Variants in ASCC3 observed in about 807,000 individuals in gnomAD.
ASCC3 encodes the protein activating signal cointegrator 1 complex subunit 3, also known as ASC-1 complex subunit P200.
Under a neutral mutation model 256.3 loss-of-function variants are expected in ASCC3, and 158 were observed. The observed-to-expected ratio is 0.62, with a 90% CI of 0.54 to 0.70. The LOEUF (loss-of-function observed/expected upper bound fraction) is 0.70, where lower values mean the gene tolerates loss of function less well. ASCC3 is among the 30% of genes least tolerant of loss of function. The pLI is 0.00. For missense variants in ASCC3, 2,259 were observed against 2,626.0 expected, an observed-to-expected ratio of 0.86 and a Z score of 3.05; for synonymous variants, 948 against 883.4, an observed-to-expected ratio of 1.07 and a Z score of -1.30.
intron 24 of ASCC3, 113 bp downstream of exon 24, chr6:100,642,468 G>A: frequency 9.3e-7 from 1 of 1,077,560 alleles, no homozygotes; most frequent in Non-Finnish European, 1.4e-6. Context: ...GAGTTATAGA[G>A]AAGTTATAAT....
At chr6:100,565,601 T>C (rs1353658181) in intron 36 of ASCC3, among the ~76,000 whole-genome samples, 4 of 152,172 alleles carry the variant, frequency 2.6e-5, no homozygotes, top group African/African-American at 9.6e-5. Flanking sequence ...AAGGTTCATT[T>C]TTTTACAGAC....
At chr6:100,749,850 A>G (rs1231034863) in intron 10 of ASCC3, among the ~76,000 whole-genome samples, 1 of 151,692 alleles carries the variant, frequency 6.6e-6, no homozygotes, top group Non-Finnish European at 1.5e-5. Flanking sequence ...TGATATATAG[A>G]AATAAATTTT....
chr6:100,548,986 A>T (rs1382563789), intron 36 of ASCC3, among the ~76,000 whole-genome samples: 1 of 152,020 alleles, frequency 6.6e-6, no homozygotes, highest in Non-Finnish European at 1.5e-5. Context: ...AACATAAAAC[A>T]ATTATAATAA....
intron 1 of ASCC3, among the ~76,000 whole-genome samples, chr6:100,876,987 G>T (rs1008325738): frequency 2.0e-5 from 3 of 152,142 alleles, no homozygotes; most frequent in African/African-American, 7.2e-5. Context: ...TAATCAGTGA[G>T]CTAGAATTCC....
At chr6:100,868,411 G>C (rs1454531493) in intron 1 of ASCC3, among the ~76,000 whole-genome samples, 1 of 152,066 alleles carries the variant, frequency 6.6e-6, no homozygotes, top group Non-Finnish European at 1.5e-5. Context: ...CTTTCCAGTG[G>C]TTTCCTCTGC....
At chr6:100,753,450 T>C (rs954719669) in intron 10 of ASCC3, among the ~76,000 whole-genome samples, 7 of 150,840 alleles carry the variant, frequency 4.6e-5, no homozygotes, top group African/African-American at 1.7e-4. Flanking sequence ...GTTGTATTAA[T>C]GTCATCAGTA....
intron 25 of ASCC3, among the ~76,000 whole-genome samples, chr6:100,632,326 C>G (rs1221145921): frequency 6.6e-6 from 1 of 151,130 alleles, no homozygotes; most frequent in Non-Finnish European, 1.5e-5. Flanking sequence ...GAAGAAAAGA[C>G]AAATAAATGA....
At chr6:100,512,569 C>T (rs1270015584) in intron 40 of ASCC3, 140 bp downstream of exon 40, 1 of 880,246 alleles carries the variant, frequency 1.1e-6, no homozygotes, top group Admixed American at 2.0e-5. Context: ...TTTCAAAAGA[C>T]TAACTCTCGC....
intron 36 of ASCC3, among the ~76,000 whole-genome samples, chr6:100,578,133 G>C (rs375309506): frequency 6.6e-6 from 1 of 151,964 alleles, no homozygotes; most frequent in Non-Finnish European, 1.5e-5. Context: ...AAACTACCAG[G>C]CTGACCCCAA....
At position 100,578,837 on chromosome 6, in the gene ASCC3, G is replaced by A. The variant is rs955527974; in HGVS notation, c.5550+10797C>T. On this transcript the variant is annotated intron_variant, in intron 36 of 41. Coordinates refer to ENST00000369162, the MANE Select transcript of ASCC3 (RefSeq NM_006828.4). ...TCTGTTTTAAGTTCTTTGAGAAATC[G>A]ACACACTGCTTTCCACAATGGCTGA... Among the ~76,000 whole-genome samples, 4 of 151,980 alleles carry A rather than the reference G, an allele frequency of 2.6e-5. No individual in the cohort carries two copies. The East Asian group carries it at 5.8e-4, about 22-fold the overall frequency.
At chr6:100,741,733 T>C (rs907121272) in intron 10 of ASCC3, among the ~76,000 whole-genome samples, 1 of 152,154 alleles carries the variant, frequency 6.6e-6, no homozygotes, top group Non-Finnish European at 1.5e-5. Context: ...CTCCATGAGG[T>C]TGGTTATGTT....
intron 4 of ASCC3, among the ~76,000 whole-genome samples, chr6:100,837,882 G>A (rs1771953889): frequency 6.6e-6 from 1 of 151,950 alleles, no homozygotes; most frequent in African/African-American, 2.4e-5. Flanking sequence ...TGGAAAAGAG[G>A]ATTTTTAATG....
chr6:100,701,972 T>G (rs748361801), intron 13 of ASCC3, among the ~76,000 whole-genome samples: 2 of 151,940 alleles, frequency 1.3e-5, no homozygotes, highest in African/African-American at 4.8e-5. Flanking sequence ...GAGAGAAATA[T>G]GTAAAGAAGA....
chr6:100,613,842 A>G (rs1447587026), intron 30 of ASCC3, among the ~76,000 whole-genome samples: 5 of 152,064 alleles, frequency 3.3e-5, no homozygotes, highest in African/African-American at 1.2e-4. Context: ...AGATGATAAT[A>G]GCCATTTTGA....
At chr6:100,732,351 G>T (rs1389127563) in intron 10 of ASCC3, among the ~76,000 whole-genome samples, 1 of 152,108 alleles carries the variant, frequency 6.6e-6, no homozygotes, top group Non-Finnish European at 1.5e-5. Context: ...TCAAGAATAA[G>T]TAGTCAAAAG....
At chr6:100,829,540 G>C (rs1035964971) in intron 4 of ASCC3, among the ~76,000 whole-genome samples, 10 of 152,018 alleles carry the variant, frequency 6.6e-5, no homozygotes, top group Non-Finnish European at 5.9e-5. Flanking sequence ...CAAGCACCGC[G>C]TGCAGCCCTG....
intron 36 of ASCC3, among the ~76,000 whole-genome samples, chr6:100,574,701 A>G (rs1243553904): frequency 6.6e-6 from 1 of 151,880 alleles, no homozygotes; most frequent in African/African-American, 2.4e-5. Flanking sequence ...AAAAAAAAAG[A>G]ATAAAAATTT....
chr6:100,711,148 AGG>A (rs200750622), intron 13 of ASCC3, among the ~76,000 whole-genome samples: 2,294 of 152,324 alleles, frequency 0.015, 53 homozygotes, highest in African/African-American at 0.052. Context: ...CTAAAGTACC[AGG>A]TACCTCCTTA....
In ASCC3 at chr6:100,726,194, C is replaced by T. The variant is rs12664278; in HGVS notation, c.1738-491G>A. On this transcript the variant is annotated intron_variant, in intron 10 of 41. Coordinates refer to ENST00000369162, the MANE Select transcript of ASCC3 (RefSeq NM_006828.4). ...GTATCATAAATATACCCAGAGATCA[C>T]TTACTAACAATGCTTTTCATTGAAA... Among the ~76,000 whole-genome samples the T allele has an allele frequency of 0.013, 1,940 of 151,922 alleles. 99 individuals carry two copies. In the East Asian group the frequency reaches 0.15, roughly 11 times the overall value.
Sources: gnomAD v4.1 joint callset for allele counts (sites outside exome capture counted in the v4.1 genomes callset) on GRCh38, gnomAD v4.1.1 for gene constraint, MANE v1.5 for transcripts, NCBI Gene and HGNC (gene_info 2026-07-23, HGNC 2026-07-21) for gene names.